Variants in SAP130 observed in about 807,000 individuals in gnomAD.
SAP130 encodes histone deacetylase complex subunit SAP130.
A neutral mutation model predicts 103.2 loss-of-function variants in SAP130; 16 were observed. That is an observed-to-expected ratio of 0.16 (90% CI 0.10 to 0.24). The LOEUF is 0.24. Ranked by LOEUF, SAP130 falls within the 10% of genes least tolerant of loss-of-function variation. The probability of loss-of-function intolerance (pLI) is 1.00; values close to 1 mark genes in which losing one functional copy is unlikely to be tolerated. For missense variants in SAP130, 990 were observed against 1,359.7 expected, an observed-to-expected ratio of 0.73 and a Z score of 4.28; for synonymous variants, 477 against 497.0, an observed-to-expected ratio of 0.96 and a Z score of 0.53.
intron 2 of SAP130, among the ~76,000 whole-genome samples, chr2:128,020,697 A>C (rs911394741): frequency 1.1e-4 from 17 of 152,230 alleles, no homozygotes; most frequent in African/African-American, 2.9e-4. Context: ...ATACTGCATC[A>C]TTTTTTAAAG....
In SAP130 at chr2:127,978,019, T is replaced by C. The variant is rs914007302; in HGVS notation, c.2029A>G (p.Met677Val). ...DVASPRVESSMRSTSGSPRPA... is the reference protein window; with the variant it reads ...DVASPRVESSVRSTSGSPRPA... ...CTAGGTGACCCAGACGTACTCCGCA[T>C]AGAGCTTTCCACTCGAGGACTAGCA... Residue 677 changes from methionine (M) to valine (V), a missense_variant, in exon 15 of 21, where the codon ATG becomes GTG. Physicochemically the swap from Met to Val is conservative, Grantham distance 21 (BLOSUM62 1). Around this residue, in one of 6 missense-constraint regions of SAP130, gnomAD observed 349 missense variants for 384.1 expected, o/e 0.91. Transcript: ENST00000643581. 8 of 1,551,936 alleles carry C rather than the reference T, an allele frequency of 5.2e-6. No individual in the cohort carries two copies. Among genetic ancestry groups the C allele is most frequent in the African/African-American group, 2.7e-5 (2 of 73,030 alleles).
At chr2:128,023,871 C>A (rs1685317434) in intron 2 of SAP130, among the ~76,000 whole-genome samples, 1 of 152,110 alleles carries the variant, frequency 6.6e-6, no homozygotes, top group East Asian at 1.9e-4. Context: ...TTTCTAGATT[C>A]TCTACCTGAG....
At chr2:127,985,380 A>G (rs934395008) in intron 14 of SAP130, among the ~76,000 whole-genome samples, 1 of 152,230 alleles carries the variant, frequency 6.6e-6, no homozygotes, top group Admixed American at 6.5e-5. Context: ...CCCTAGTCCC[A>G]GCAATTTAAG....
chr2:127,950,729 T>C (rs1347677646), intron 16 of SAP130, among the ~76,000 whole-genome samples: 1 of 152,214 alleles, frequency 6.6e-6, no homozygotes, highest in Non-Finnish European at 1.5e-5. Flanking sequence ...GTAGCACTTT[T>C]AGCAAATTTC....
chr2:128,027,346 A>AGTGG (rs1302252435), intron 1 of SAP130: 3 of 1,131,672 alleles, frequency 2.7e-6, no homozygotes, highest in East Asian at 8.8e-5. Flanking sequence ...CCCACGCCCG[A>AGTGG]CGCGTCAGTG....
chr2:127,941,836 G>T lies in SAP130; in HGVS notation c.*170C>A. 2 of 643,346 alleles carry T rather than the reference G, an allele frequency of 3.1e-6. No individual in the cohort carries two copies. The highest frequency in any genetic ancestry group is 5.3e-6 in the Non-Finnish European group (2 of 375,768). 39.9% of individuals were successfully genotyped at this position (643,346 alleles called of 1,614,324 possible). ...GAAGGCAGCTCACTATGTCCAGTCAGCTCTGATCCTTTCACGCCCTTGGAT... is the reference window on the plus strand; with the variant it reads ...GAAGGCAGCTCACTATGTCCAGTCATCTCTGATCCTTTCACGCCCTTGGAT... On this transcript the variant is annotated 3_prime_UTR_variant, in exon 21 of 21. Transcript: ENST00000643581.
At chr2:128,020,606 T>C (rs529921611) in intron 2 of SAP130, among the ~76,000 whole-genome samples, 1 of 152,250 alleles carries the variant, frequency 6.6e-6, no homozygotes, top group Non-Finnish European at 1.5e-5. Flanking sequence ...GTGCTAGTAA[T>C]GTTCTTGTAC....
At chr2:127,978,206 T>C in intron 14 of SAP130, 117 bp from the exon 15 acceptor site, 1 of 678,478 alleles carries the variant, frequency 1.5e-6, no homozygotes, top group East Asian at 2.8e-5. Flanking sequence ...CTACATTGAC[T>C]AAGTATTTTT....
rs1055253179 is a variant in SAP130 at position 127,953,325 on chromosome 2, T to C, written c.2422+1661A>G. 6.6e-6 allele frequency among the ~76,000 whole-genome samples: 1 copy of C among 152,240 alleles called. No individual in the cohort carries two copies. The highest frequency in any genetic ancestry group is 2.4e-5 in the African/African-American group (1 of 41,456). On this transcript the variant is annotated intron_variant, in intron 16 of 20. Coordinates refer to ENST00000643581, the MANE Select transcript of SAP130 (RefSeq NM_001330301.2). The surrounding 1 kb of genome is among the most constrained non-coding windows in gnomAD (Gnocchi z 4.0). The stretch of plus-strand genomic sequence containing the variant: ...CACCTCACACCACTTCCGCTACTAC[T>C]ACCCTGGTTGAGCCTTCATTGCTCC...
chr2:128,006,659 G>A (rs899812809), intron 7 of SAP130, among the ~76,000 whole-genome samples: 5 of 152,104 alleles, frequency 3.3e-5, no homozygotes, highest in African/African-American at 7.2e-5. Context: ...GCACGTGCCC[G>A]TAGTCCCAGC....
chr2:128,019,426 C>G (rs528575750), intron 2 of SAP130, among the ~76,000 whole-genome samples: 1 of 152,160 alleles, frequency 6.6e-6, no homozygotes, highest in Non-Finnish European at 1.5e-5. Flanking sequence ...TGCCACCACA[C>G]CTGGCTAATT....
At chr2:127,984,430 T>A (rs1193235012) in intron 14 of SAP130, among the ~76,000 whole-genome samples, 1 of 152,238 alleles carries the variant, frequency 6.6e-6, no homozygotes, top group Non-Finnish European at 1.5e-5. Context: ...TATGTGCCTA[T>A]CTTTGGTTGT....
intron 15 of SAP130, among the ~76,000 whole-genome samples, chr2:127,959,053 T>C (rs374567569): frequency 2.0e-5 from 3 of 152,202 alleles, no homozygotes; most frequent in Non-Finnish European, 2.9e-5. Flanking sequence ...AGACATACTT[T>C]TTCCTATTCC....
At chr2:127,987,829 CAACT>C (rs2104998369) in intron 13 of SAP130, among the ~76,000 whole-genome samples, 1 of 152,258 alleles carries the variant, frequency 6.6e-6, no homozygotes, top group Admixed American at 6.5e-5. Flanking sequence ...GAAACACATT[CAACT>C]AACAGATATT....
chr2:128,008,573 G>A (rs922062070), intron 7 of SAP130, among the ~76,000 whole-genome samples: 4 of 139,928 alleles, frequency 2.9e-5, no homozygotes, highest in African/African-American at 1.1e-4. Context: ...ATCTTGGTAT[G>A]TTGCTGGGGC....
intron 16 of SAP130, among the ~76,000 whole-genome samples, chr2:127,952,686 A>G (rs935660947): frequency 2.6e-5 from 4 of 152,078 alleles, no homozygotes; most frequent in Admixed American, 2.6e-4. Context: ...CTCAGACCTC[A>G]TCTTCCTTGA....
At chr2:127,958,706 G>A (rs899558619) in intron 15 of SAP130, among the ~76,000 whole-genome samples, 2 of 150,468 alleles carry the variant, frequency 1.3e-5, no homozygotes, top group African/African-American at 4.9e-5. Flanking sequence ...GTGTTGCCTA[G>A]GCTGGTGTGC....
Position 127,955,410 on chromosome 2 carries a change from AGAG to A in SAP130, c.2064-69_2064-67del. ...AAACTGCCTTCATCTACAACATCTCAGAGGATGAGTATTTGTCCAATTATTTCT... is the reference window on the plus strand; with the variant it reads ...AAACTGCCTTCATCTACAACATCTCAGATGAGTATTTGTCCAATTATTTCT... On this transcript the variant is annotated intron_variant, in intron 15 of 20. Coordinates refer to ENST00000643581, the MANE Select transcript of SAP130 (RefSeq NM_001330301.2). The surrounding 1 kb of genome is among the most constrained non-coding windows in gnomAD (Gnocchi z 4.9). The A allele has an allele frequency of 2.1e-6, 2 of 959,368 alleles. No individual in the cohort carries two copies. Among genetic ancestry groups the A allele is most frequent in the Non-Finnish European group, 3.2e-6 (2 of 627,836 alleles). 59.4% of individuals were successfully genotyped at this position (959,368 alleles called of 1,614,324 possible). A position where few individuals can be genotyped will look rare whatever the true frequency, so the allele number is the denominator to read the frequency against.
At chr2:127,948,092 T>C (rs1679235688) in intron 18 of SAP130, among the ~76,000 whole-genome samples, 1 of 151,712 alleles carries the variant, frequency 6.6e-6, no homozygotes, top group Non-Finnish European at 1.5e-5. Context: ...ACCTGGCTTG[T>C]ATGTATTTTT....
Sources: gnomAD v4.1 joint callset for allele counts (sites outside exome capture counted in the v4.1 genomes callset) on GRCh38, gnomAD v4.1.1 for gene constraint, gnomAD v4.1.1 regional missense constraint, Gnocchi (gnomAD v3.1) non-coding constraint, MANE v1.5 for transcripts, NCBI Gene and HGNC (gene_info 2026-07-23, HGNC 2026-07-21) for gene names.